The following LRRN3 variants were observed in gnomAD, a reference collection of about 807,000 sequenced individuals.
LRRN3 encodes leucine-rich repeat neuronal protein 3.
Under a neutral mutation model 40.1 loss-of-function variants are expected in LRRN3, and 15 were observed. The ratio of observed to expected loss-of-function variants is 0.37; its 90% CI spans 0.25 to 0.58. The LOEUF is 0.58. Ranked by LOEUF, LRRN3 falls within the 20% of genes least tolerant of loss-of-function variation. The pLI is 0.72. For missense variants in LRRN3, 746 were observed against 837.7 expected (o/e 0.89, Z 1.35); for synonymous variants, 308 against 297.2 (o/e 1.04, Z -0.37).
chr7:111,091,884 AGAGAG>A, intron 1 of LRRN3, among the ~76,000 whole-genome samples: 1 of 151,970 alleles, frequency 6.6e-6, no homozygotes, highest in Admixed American at 6.5e-5. Context: ...GAGAGGAGAC[AGAGAG>A]GAGAGGAGAG....
chr7:111,105,168 T>C (rs1798406957), intron 2 of LRRN3, among the ~76,000 whole-genome samples: 1 of 151,852 alleles, frequency 6.6e-6, no homozygotes, highest in Non-Finnish European at 1.5e-5. Context: ...CACAAAACCT[T>C]TGAAGTGCCC....
chr7:111,120,024 G>C (rs191807262), intron 2 of LRRN3, among the ~76,000 whole-genome samples: 1 of 152,304 alleles, frequency 6.6e-6, no homozygotes, highest in East Asian at 1.9e-4. Context: ...CAGGCAGAGT[G>C]ATGCAACCAT....
intron 1 of LRRN3, chr7:111,097,022 TCCAGGAGGTG>T (rs1797473538): frequency 1.3e-5 from 2 of 151,866 alleles, no homozygotes; most frequent in African/African-American, 4.8e-5. Flanking sequence ...ACGCTTTACT[TCCAGGAGGTG>T]AAGCATTCCA....
At chr7:111,120,615 G>A (rs1365362083) in intron 2 of LRRN3, among the ~76,000 whole-genome samples, 3 of 152,066 alleles carry the variant, frequency 2.0e-5, no homozygotes, top group African/African-American at 7.2e-5. Context: ...GTTATTCTCA[G>A]GGAAAAATAA....
At chr7:111,121,988 C>T (rs214866) in intron 2 of LRRN3, among the ~76,000 whole-genome samples, 8,184 of 150,876 alleles carry the variant, frequency 0.054, 423 homozygotes, top group African/African-American at 0.13. Context: ...ACAAAAAAAC[C>T]AAACACCACA....
chr7:111,124,468 G>T lies in LRRN3; in HGVS notation c.1696G>T (p.Ala566Ser). 1.2e-6 allele frequency: 2 copies of T among 1,613,880 alleles called. No individual in the cohort carries two copies. The highest frequency in any genetic ancestry group is 1.3e-5 in the African/African-American group (1 of 75,050). ...TGTCAAGACTGAAAATTCTCATGCTGCGCAAAGTGCTCGAATACCATCTGA... is the reference window on the plus strand; with the variant it reads ...TGTCAAGACTGAAAATTCTCATGCTTCGCAAAGTGCTCGAATACCATCTGA... ...AFVKTENSHA[A>S]QSARIPSDVK... Residue 566 changes from alanine to serine, a missense_variant, in exon 3 of 3, where the codon GCG (alanine) becomes TCG (serine). Transcript: ENST00000308478.
chr7:111,120,261 A>G (rs544601447), intron 2 of LRRN3, among the ~76,000 whole-genome samples: 2 of 152,294 alleles, frequency 1.3e-5, no homozygotes, highest in Admixed American at 1.3e-4. Context: ...GTAATTTACA[A>G]AGAAAAAGAG....
At chr7:111,115,486 T>C (rs140531280) in intron 2 of LRRN3, among the ~76,000 whole-genome samples, 3 of 152,046 alleles carry the variant, frequency 2.0e-5, no homozygotes, top group Non-Finnish European at 2.9e-5. Context: ...TACCCCAATA[T>C]GAAATGTGCC....
intron 2 of LRRN3, among the ~76,000 whole-genome samples, chr7:111,109,748 T>C (rs1798973380): frequency 1.3e-5 from 2 of 152,232 alleles, no homozygotes; most frequent in South Asian, 4.1e-4. Context: ...TTGTACATTG[T>C]AGCACAATAT....
chr7:111,118,776 A>T, intron 2 of LRRN3, among the ~76,000 whole-genome samples: 1 of 152,230 alleles, frequency 6.6e-6, no homozygotes, highest in South Asian at 2.1e-4. Context: ...TATTATGCTA[A>T]AGAAACGATA....
chr7:111,122,806 C>T lies in LRRN3; in HGVS notation c.34C>T (p.Leu12Phe). 6.2e-7 allele frequency: 1 copy of T among 1,613,574 alleles called. No homozygotes were observed. The highest frequency in any genetic ancestry group is 8.5e-7 in the Non-Finnish European group (1 of 1,179,724). Residue 12 changes from leucine to phenylalanine, a missense_variant, in exon 3 of 3, where the codon CTT becomes TTT. Leu to Phe is a conservative substitution (Grantham distance 22, BLOSUM62 0). Coordinates refer to ENST00000308478, the MANE Select transcript of LRRN3 (RefSeq NM_001099658.2). ...KDMPLRIHVL[L>F]GLAITTLVQA... ...CATGCCACTCCGAATTCATGTGCTA[C>T]TTGGCCTAGCTATCACTACACTAGT... is the stretch of plus-strand genomic sequence containing the variant.
chr7:111,093,355 G>GTGC (rs1251847546), intron 1 of LRRN3, among the ~76,000 whole-genome samples: 1 of 152,254 alleles, frequency 6.6e-6, no homozygotes, highest in East Asian at 1.9e-4. Context: ...TTTATTAAAA[G>GTGC]TGCTGCTTTT....
At chr7:111,102,748 T>C (rs1328604753) in intron 2 of LRRN3, among the ~76,000 whole-genome samples, 2 of 151,562 alleles carry the variant, frequency 1.3e-5, no homozygotes, top group Non-Finnish European at 3.0e-5. Flanking sequence ...AAACTTCCAC[T>C]ACTCTGGGAC....
chr7:111,107,833 A>G (rs1473337255), intron 2 of LRRN3, among the ~76,000 whole-genome samples: 5 of 152,120 alleles, frequency 3.3e-5, no homozygotes, highest in African/African-American at 1.2e-4. Context: ...AGTATTTCCA[A>G]TTCTGCAGAT....
intron 2 of LRRN3, among the ~76,000 whole-genome samples, chr7:111,113,538 ACT>A (rs1799493186): frequency 6.6e-6 from 1 of 152,098 alleles, no homozygotes; most frequent in African/African-American, 2.4e-5. Flanking sequence ...TTTTCTTTTA[ACT>A]ATACCAGGGA....
intron 2 of LRRN3, among the ~76,000 whole-genome samples, chr7:111,112,583 A>G (rs1442289066): frequency 6.6e-6 from 1 of 152,172 alleles, no homozygotes; most frequent in African/African-American, 2.4e-5. Context: ...AGTGGAATGT[A>G]TGTTGTTCTA....
chr7:111,124,202 C>G lies in LRRN3; in HGVS notation c.1430C>G (p.Ser477Cys). Residue 477 changes from serine (S) to cysteine (C), a missense_variant, in exon 3 of 3, where the codon TCT (serine) becomes TGT (cysteine). Physicochemically the swap from Ser to Cys is moderately radical, Grantham distance 112. Transcript: ENST00000308478. ...NTLTDKFYVH[S>C]EGTLDINGVT... ...CTGACAGACAAGTTCTATGTCCATTCTGAGGGAACACTAGATATAAATGGC... is the reference window on the plus strand; with the variant it reads ...CTGACAGACAAGTTCTATGTCCATTGTGAGGGAACACTAGATATAAATGGC... The G allele has an allele frequency of 1.2e-6, 2 of 1,613,894 alleles. No homozygotes were observed. Among genetic ancestry groups the G allele is most frequent in the Non-Finnish European group, 1.7e-6 (2 of 1,179,914 alleles).
intron 1 of LRRN3, chr7:111,097,457 A>G (rs1375631118): frequency 6.6e-6 from 1 of 151,952 alleles, no homozygotes; most frequent in Non-Finnish European, 1.5e-5. Context: ...AATGAAATAG[A>G]GGCAAATATT....
intron 2 of LRRN3, among the ~76,000 whole-genome samples, chr7:111,105,578 G>A (rs908051782): frequency 2.6e-5 from 4 of 151,926 alleles, no homozygotes; most frequent in African/African-American, 9.6e-5. Flanking sequence ...GCTGGCTGGG[G>A]GGAAAACACC....
Sources: gnomAD v4.1 joint callset for allele counts (sites outside exome capture counted in the v4.1 genomes callset) on GRCh38, gnomAD v4.1.1 for gene constraint, MANE v1.5 for transcripts, NCBI Gene and HGNC (gene_info 2026-07-23, HGNC 2026-07-21) for gene names.